FRMD4A: variants seen among roughly 807,000 people sequenced by gnomAD.
FRMD4A encodes FERM domain-containing protein 4A.
In FRMD4A, 29 loss-of-function variants were observed where a neutral mutation model predicts 129.1. That is an observed-to-expected ratio of 0.22 (90% CI 0.17 to 0.31). The LOEUF (loss-of-function observed/expected upper bound fraction) is 0.31. FRMD4A is among the 10% of genes least tolerant of loss of function. FRMD4A has a pLI of 1.00. For synonymous variants in FRMD4A, 634 were observed against 571.6 expected (o/e 1.11, Z -1.56); for missense variants, 1,272 against 1,375.8 (o/e 0.92, Z 1.19).
At chr10:13,705,267 T>TAG (rs2134894344) in intron 13 of FRMD4A, among the ~76,000 whole-genome samples, 1 of 152,312 alleles carries the variant, frequency 6.6e-6, no homozygotes, top group East Asian at 1.9e-4. Flanking sequence ...GTGTGAGATC[T>TAG]AGATTCTTTC....
rs535013156 is a variant in FRMD4A, at chr10:14,088,753, T to G, written c.46-229841A>C. Among the ~76,000 whole-genome samples the G allele has an allele frequency of 3.3e-5, 4 of 121,850 alleles. No individual in the cohort carries two copies. The South Asian group carries it at 1.0e-3, about 31-fold the overall frequency. The allele number at this position is 121,850 out of a possible 152,430, so 79.9% of individuals were successfully genotyped here. ...GCGAGCCAAGATCACGCCACTGCAC[T>G]CCAGCCTGGGGGACAGAGCAAGACT... On this transcript the variant is annotated intron_variant, in intron 2 of 24. Transcript: ENST00000357447.
In FRMD4A at chr10:13,885,518, G is replaced by A. The variant is rs1196205840; in HGVS notation, c.46-26606C>T. Among the ~76,000 whole-genome samples, 5 of 152,204 alleles carry A rather than the reference G, an allele frequency of 3.3e-5. No homozygotes were observed. The South Asian group carries it at 8.3e-4, about 25-fold the overall frequency. ...ACCAGGGCGAGGTCCCTCAATGCCT[G>A]TAAGCTCTTCCTCATTTGCAAAAAT... On this transcript the variant is annotated intron_variant, in intron 2 of 24. Coordinates refer to ENST00000357447, the MANE Select transcript of FRMD4A (RefSeq NM_018027.5).
rs528358628 is a variant in FRMD4A, at chr10:13,776,271, C to T, written c.384+6651G>A. ...GACTGCAGGCATGTGCCACCACACC[C>T]GACTAATTTTTGTGTTTTTTGTAGA... is the stretch of plus-strand genomic sequence containing the variant. On this transcript the variant is annotated intron_variant, in intron 6 of 24. Coordinates refer to ENST00000357447, the MANE Select transcript of FRMD4A (RefSeq NM_018027.5). Among the ~76,000 whole-genome samples the T allele has an allele frequency of 2.6e-5, 4 of 151,986 alleles. 1 individual carries two copies. The South Asian group carries it at 6.3e-4, about 24-fold the overall frequency.
At chr10:13,838,991 CTTTT>C (rs373871027) in intron 3 of FRMD4A, among the ~76,000 whole-genome samples, 2 of 95,688 alleles carry the variant, frequency 2.1e-5, no homozygotes, top group Admixed American at 1.5e-4. Context: ...GAATAATTTC[CTTTT>C]TTTTTTTTTT....
intron 2 of FRMD4A, among the ~76,000 whole-genome samples, chr10:14,159,560 G>A (rs1293250637): frequency 6.6e-6 from 1 of 152,084 alleles, no homozygotes; most frequent in Non-Finnish European, 1.5e-5. Flanking sequence ...ACTACCCAAA[G>A]CAATCTACAG....
chr10:13,762,127 A>C (rs1369335747), intron 7 of FRMD4A, among the ~76,000 whole-genome samples: 1 of 152,244 alleles, frequency 6.6e-6, no homozygotes, highest in Non-Finnish European at 1.5e-5. Flanking sequence ...GTAGTTGCTC[A>C]GTAAATACTT....
At position 14,064,102 on chromosome 10, in the gene FRMD4A, C is replaced by T. The variant is rs576380197; in HGVS notation, c.46-205190G>A. ...ACTAGCAATTTTGCTGGGAAGTGCT[C>T]ACCAATGGAATTCCACTTAATTCCT... On this transcript the variant is annotated intron_variant, in intron 2 of 24. Transcript: ENST00000357447. Among the ~76,000 whole-genome samples, 18 of 152,318 alleles carry T rather than the reference C, an allele frequency of 1.2e-4. No individual in the cohort carries two copies. In the South Asian group the frequency reaches 3.3e-3, roughly 28 times the overall value.
intron 2 of FRMD4A, among the ~76,000 whole-genome samples, chr10:13,908,209 A>G (rs1028820996): frequency 6.7e-6 from 1 of 149,678 alleles, no homozygotes; most frequent in Non-Finnish European, 1.5e-5. Flanking sequence ...AATATATTAG[A>G]CTGCTATGTA....
intron 2 of FRMD4A, among the ~76,000 whole-genome samples, chr10:14,138,194 T>C (rs1013903714): frequency 2.0e-5 from 3 of 152,304 alleles, no homozygotes; most frequent in Admixed American, 1.3e-4. Context: ...TTAATCACTT[T>C]CTATGTGCCC....
chr10:13,647,015 A>G lies in FRMD4A; in HGVS notation c.*23T>C. On this transcript the variant is annotated 3_prime_UTR_variant, in exon 25 of 25. Transcript: ENST00000357447. ...TTCTGGATAGAGGGAGGAATCCAGG[A>G]AACAGCTATCATTGTAGCTCCTGTG... The G allele has an allele frequency of 1.9e-5, 19 of 975,226 alleles. No individual in the cohort carries two copies. Among genetic ancestry groups the G allele is most frequent in the Non-Finnish European group, 2.3e-5 (19 of 820,148 alleles). The allele number at this position is 975,226 out of a possible 1,614,324, so 60.4% of individuals were successfully genotyped here. A position where few individuals can be genotyped will look rare whatever the true frequency, so the allele number is the denominator to read the frequency against.
At chr10:14,152,874 C>T (rs1485007436) in intron 2 of FRMD4A, among the ~76,000 whole-genome samples, 2 of 152,050 alleles carry the variant, frequency 1.3e-5, no homozygotes, top group South Asian at 2.1e-4. Flanking sequence ...AAGAGAGACT[C>T]CTTCAGCTGG....
intron 2 of FRMD4A, among the ~76,000 whole-genome samples, chr10:14,051,125 T>G (rs1834239548): frequency 6.6e-6 from 1 of 152,230 alleles, no homozygotes; most frequent in Admixed American, 6.5e-5. Context: ...CAGAGAATTG[T>G]AGAATCGGGA....
At chr10:14,315,421 G>A (rs995108147) in intron 2 of FRMD4A, among the ~76,000 whole-genome samples, 4 of 152,112 alleles carry the variant, frequency 2.6e-5, no homozygotes, top group African/African-American at 9.7e-5. Context: ...ATAAAGATCT[G>A]AGGTCATCCT....
At chr10:14,197,538 T>A (rs1404336718) in intron 2 of FRMD4A, among the ~76,000 whole-genome samples, 6 of 151,988 alleles carry the variant, frequency 3.9e-5, no homozygotes, top group Non-Finnish European at 8.8e-5. Context: ...TTTTTGTATT[T>A]TTAGCAGAGA....
intron 2 of FRMD4A, among the ~76,000 whole-genome samples, chr10:13,928,534 AC>A (rs2095160074): frequency 1.3e-5 from 2 of 152,172 alleles, no homozygotes; most frequent in East Asian, 3.9e-4. Context: ...AAAGATAAAG[AC>A]CCTTACTAGA....
rs371407961 is a variant in FRMD4A at position 14,194,271 on chromosome 10, T to C, written c.45+135787A>G. Among the ~76,000 whole-genome samples, 9 of 152,276 alleles carry C rather than the reference T, an allele frequency of 5.9e-5. No homozygotes were observed. In the East Asian group the frequency reaches 7.7e-4, roughly 13 times the overall value. On this transcript the variant is annotated intron_variant, in intron 2 of 24. Coordinates refer to ENST00000357447, the MANE Select transcript of FRMD4A (RefSeq NM_018027.5). Reference sequence around the variant, plus strand: ...TCCTTCATTCACTCGTCAGCCCTACTACTTCTCACAGCACTATGCTGGCAT... The same window carrying C: ...TCCTTCATTCACTCGTCAGCCCTACCACTTCTCACAGCACTATGCTGGCAT...
chr10:14,263,398 C>T (rs1226101613), intron 2 of FRMD4A, among the ~76,000 whole-genome samples: 1 of 152,176 alleles, frequency 6.6e-6, no homozygotes, highest in Non-Finnish European at 1.5e-5. Context: ...AAGAATCACC[C>T]CAAATTTCCG....
At chr10:14,317,372 T>C (rs532820228) in intron 2 of FRMD4A, among the ~76,000 whole-genome samples, 1 of 152,280 alleles carries the variant, frequency 6.6e-6, no homozygotes. Flanking sequence ...GGAACTACTG[T>C]CCACTACCAC....
chr10:14,083,337 T>C (rs898715), intron 2 of FRMD4A: 61,734 of 152,016 alleles, frequency 0.41, 13,066 homozygotes, highest in East Asian at 0.59. Context: ...CACTGAGAGG[T>C]TGGGTAACCA....
Sources: gnomAD v4.1 joint callset for allele counts (sites outside exome capture counted in the v4.1 genomes callset) on GRCh38, gnomAD v4.1.1 for gene constraint, MANE v1.5 for transcripts, NCBI Gene and HGNC (gene_info 2026-07-23, HGNC 2026-07-21) for gene names.